RTTN: variants seen among roughly 807,000 people sequenced by gnomAD.
The protein encoded by RTTN is rotatin.
A neutral mutation model predicts 269.2 loss-of-function variants in RTTN; 182 were observed. The ratio of observed to expected loss-of-function variants is 0.68; its 90% CI spans 0.60 to 0.76. The LOEUF is 0.76. Among genes scored for constraint, RTTN ranks in the 30% least tolerant of loss-of-function variants. The pLI, the probability that RTTN is intolerant of heterozygous loss-of-function variation, is 0.00. For missense variants in RTTN, 2,545 were observed against 2,608.6 expected, an observed-to-expected ratio of 0.98 and a Z score of 0.53; for synonymous variants, 1,006 against 963.5, an observed-to-expected ratio of 1.04 and a Z score of -0.82.
intron 44 of RTTN, chr18:70,021,091 G>A (rs1287312267): frequency 3.3e-6 from 1 of 299,254 alleles, no homozygotes; most frequent in Non-Finnish European, 6.1e-6. Context: ...TTTAATAGTT[G>A]CTAAAGAAAA....
intron 41 of RTTN, 130 bp downstream of exon 41, chr18:70,030,746 A>AT: frequency 1.7e-6 from 1 of 576,288 alleles, no homozygotes. Context: ...AAAAAAAATT[A>AT]TTTTTAGTGA....
intron 40 of RTTN, among the ~76,000 whole-genome samples, chr18:70,042,611 C>T (rs925532377): frequency 1.3e-5 from 2 of 151,712 alleles, no homozygotes; most frequent in Admixed American, 6.6e-5. Context: ...CTCCTGACCT[C>T]GTGATCCGCC....
intron 10 of RTTN, among the ~76,000 whole-genome samples, chr18:70,178,208 G>A (rs1599930780): frequency 6.6e-6 from 1 of 152,150 alleles, no homozygotes; most frequent in Non-Finnish European, 1.5e-5. Context: ...AGGCCTTGGC[G>A]ACAGAGCAAG....
intron 18 of RTTN, among the ~76,000 whole-genome samples, chr18:70,144,240 C>G (rs2060331956): frequency 1.3e-5 from 2 of 152,152 alleles, no homozygotes; most frequent in Non-Finnish European, 2.9e-5. Flanking sequence ...CAACCATGTT[C>G]CCTAACATCT....
At chr18:70,113,904 G>A (rs956723395) in intron 27 of RTTN, among the ~76,000 whole-genome samples, 1 of 152,168 alleles carries the variant, frequency 6.6e-6, no homozygotes, top group Non-Finnish European at 1.5e-5. Context: ...TGAATAGGGA[G>A]AGACTTTTTC....
chr18:70,076,666 C>A (rs77124318), intron 32 of RTTN, among the ~76,000 whole-genome samples: 1 of 151,952 alleles, frequency 6.6e-6, no homozygotes, highest in Non-Finnish European at 1.5e-5. Flanking sequence ...TGTGAGCTTA[C>A]TCGTCCTAAA....
intron 28 of RTTN, among the ~76,000 whole-genome samples, chr18:70,100,000 G>C (rs1599539053): frequency 6.6e-6 from 1 of 152,202 alleles, no homozygotes; most frequent in African/African-American, 2.4e-5. Flanking sequence ...AGTACAGTTT[G>C]AAGTCAGGTA....
At chr18:70,160,249 C>T (rs899434203) in intron 14 of RTTN, among the ~76,000 whole-genome samples, 3 of 151,670 alleles carry the variant, frequency 2.0e-5, no homozygotes, top group Non-Finnish European at 4.4e-5. Context: ...TCAAGTATGC[C>T]TTATCCACTG....
intron 27 of RTTN, among the ~76,000 whole-genome samples, chr18:70,111,446 C>G (rs916891008): frequency 1.3e-5 from 2 of 152,158 alleles, no homozygotes; most frequent in African/African-American, 2.4e-5. Flanking sequence ...CTAGCAAACT[C>G]CAGCAGACCG....
intron 34 of RTTN, among the ~76,000 whole-genome samples, chr18:70,069,872 T>A (rs2058248991): frequency 6.6e-6 from 1 of 152,144 alleles, no homozygotes. Context: ...TGGAAAAATA[T>A]AAGATATGAA....
At chr18:70,166,808 T>TAAAAAAAAAAAAAAAAA in intron 13 of RTTN, 111 bp downstream of exon 13, 2 of 696,542 alleles carry the variant, frequency 2.9e-6, no homozygotes, top group East Asian at 2.8e-5. Context: ...GCAATTAAAC[T>TAAAAAAAAAAAAAAAAA]AAAAAATAAT....
At chr18:70,117,129 T>C (rs2059621731) in intron 26 of RTTN, among the ~76,000 whole-genome samples, 1 of 152,144 alleles carries the variant, frequency 6.6e-6, no homozygotes, top group Admixed American at 6.6e-5. Flanking sequence ...GGAAGTTAGC[T>C]GATTTTTCTT....
chr18:70,137,545 G>A (rs118062061), intron 21 of RTTN, among the ~76,000 whole-genome samples: 3 of 151,966 alleles, frequency 2.0e-5, no homozygotes, highest in East Asian at 1.9e-4. Flanking sequence ...GGCCCTGCAC[G>A]AACTGCCCTC....
At chr18:70,156,462 G>C (rs981732792) in intron 14 of RTTN, among the ~76,000 whole-genome samples, 1 of 152,154 alleles carries the variant, frequency 6.6e-6, no homozygotes, top group African/African-American at 2.4e-5. Context: ...AACTTCATTA[G>C]CAATTTTAAT....
At chr18:70,165,698 A>G (rs1487701012) in intron 14 of RTTN, among the ~76,000 whole-genome samples, 1 of 152,112 alleles carries the variant, frequency 6.6e-6, no homozygotes, top group African/African-American at 2.4e-5. Flanking sequence ...AAAAAATAAC[A>G]TTAAAAAAAA....
intron 46 of RTTN, among the ~76,000 whole-genome samples, chr18:70,010,604 T>C (rs2056340121): frequency 6.6e-6 from 1 of 152,142 alleles, no homozygotes; most frequent in Admixed American, 6.5e-5. Flanking sequence ...AGAGGGAAAT[T>C]TATAGCACAA....
At chr18:70,060,875 TTTCATTTAACACAATGGC>T (rs1268813752) in intron 35 of RTTN, among the ~76,000 whole-genome samples, 2 of 152,124 alleles carry the variant, frequency 1.3e-5, no homozygotes, top group Admixed American at 1.3e-4. Flanking sequence ...GCCTGGCTTA[TTTCATTTAACACAATGGC>T]CTCCAGTTCC....
At chr18:70,044,072 A>G (rs1313544033) in intron 40 of RTTN, among the ~76,000 whole-genome samples, 4 of 152,262 alleles carry the variant, frequency 2.6e-5, no homozygotes, top group Non-Finnish European at 4.4e-5. Context: ...TCCCTTCTGT[A>G]CATTTAAGTG....
intron 4 of RTTN, among the ~76,000 whole-genome samples, chr18:70,201,458 A>G: frequency 1.3e-5 from 2 of 151,576 alleles, no homozygotes. Flanking sequence ...AATACAAAAA[A>G]TTAGCTGGGC....
Sources: gnomAD v4.1 joint callset for allele counts (sites outside exome capture counted in the v4.1 genomes callset) on GRCh38, gnomAD v4.1.1 for gene constraint, MANE v1.5 for transcripts, NCBI Gene and HGNC (gene_info 2026-07-23, HGNC 2026-07-21) for gene names.